Variants in L3MBTL4 observed in about 807,000 individuals in gnomAD.
L3MBTL4 encodes L3MBTL histone methyl-lysine binding protein 4, also known as lethal(3)malignant brain tumor-like protein 4.
L3MBTL4 carries 70 observed loss-of-function variants against 84.5 expected under a neutral mutation model. That is an observed-to-expected ratio of 0.83 (90% CI 0.68 to 1.01). The LOEUF is 1.01. Ranked by LOEUF, L3MBTL4 falls within the 50% of genes least tolerant of loss-of-function variation. The pLI, the probability that L3MBTL4 is intolerant of heterozygous loss-of-function variation, is 0.00. For synonymous variants in L3MBTL4, 274 were observed against 259.8 expected (o/e 1.05, Z -0.52); for missense variants, 715 against 754.8 (o/e 0.95, Z 0.62).
intron 12 of L3MBTL4, among the ~76,000 whole-genome samples, chr18:6,209,242 A>G (rs1424097430): frequency 6.6e-6 from 1 of 152,214 alleles, no homozygotes; most frequent in Non-Finnish European, 1.5e-5. Context: ...ATACTTGCTA[A>G]GTGTCCACTC....
chr18:6,406,438 G>T (rs542997656), intron 1 of L3MBTL4, among the ~76,000 whole-genome samples: 1 of 152,248 alleles, frequency 6.6e-6, no homozygotes, highest in South Asian at 2.1e-4. Context: ...TGTGCTTTTC[G>T]ATTCATATTC....
rs543023805 is a variant in L3MBTL4, at chr18:6,145,592, T to C, written c.1097-7296A>G. On this transcript the variant is annotated intron_variant, in intron 13 of 18. Transcript: ENST00000317931. ...AACCTGATTCATTTAGCAAGTTTTT[T>C]TTTTTTTTGTAATAGAGAAATGACA... Among the ~76,000 whole-genome samples, 41 of 152,236 alleles carry C rather than the reference T, an allele frequency of 2.7e-4. No homozygotes were observed. In the South Asian group the frequency reaches 3.5e-3, roughly 13 times the overall value.
At chr18:6,369,118 G>A (rs1269320141) in intron 1 of L3MBTL4, among the ~76,000 whole-genome samples, 2 of 151,888 alleles carry the variant, frequency 1.3e-5, no homozygotes, top group East Asian at 3.9e-4. Flanking sequence ...GAAGGTGAGC[G>A]AGGGCTGCAG....
chr18:5,966,064 C>T (rs926530910), intron 17 of L3MBTL4, among the ~76,000 whole-genome samples: 1 of 152,188 alleles, frequency 6.6e-6, no homozygotes, highest in Non-Finnish European at 1.5e-5. Context: ...ATCTTCCTAA[C>T]AGCTTCTCTT....
intron 16 of L3MBTL4, among the ~76,000 whole-genome samples, chr18:5,997,233 A>G (rs1421432692): frequency 2.0e-5 from 3 of 150,618 alleles, no homozygotes; most frequent in Non-Finnish European, 4.4e-5. Context: ...TCACTAAATC[A>G]AGGGAAAAGT....
intron 16 of L3MBTL4, chr18:6,032,013 T>C (rs1568007238): frequency 7.4e-6 from 2 of 269,566 alleles, no homozygotes; most frequent in Non-Finnish European, 1.1e-5. Flanking sequence ...AGTCTTGCTC[T>C]GTTGCCCAGG....
chr18:6,361,385 C>T (rs1020399651), intron 1 of L3MBTL4, among the ~76,000 whole-genome samples: 3 of 152,158 alleles, frequency 2.0e-5, no homozygotes, highest in Non-Finnish European at 2.9e-5. Flanking sequence ...CTGCCCCAAC[C>T]GTGCAAATTT....
chr18:6,022,181 C>T (rs1386802857), intron 16 of L3MBTL4, among the ~76,000 whole-genome samples: 1 of 152,222 alleles, frequency 6.6e-6, no homozygotes, highest in Admixed American at 6.5e-5. Context: ...TTAATAGCAT[C>T]ACCATATTCA....
At chr18:6,149,097 T>C (rs940484810) in intron 13 of L3MBTL4, among the ~76,000 whole-genome samples, 4 of 152,054 alleles carry the variant, frequency 2.6e-5, no homozygotes, top group Non-Finnish European at 4.4e-5. Context: ...GTGCACAACA[T>C]GCAGGCTTGT....
rs183177926 is a variant in L3MBTL4 at position 5,974,406 on chromosome 18, T to C, written c.1445-4844A>G. On this transcript the variant is annotated intron_variant, in intron 16 of 18. Coordinates refer to ENST00000317931, the MANE Select transcript of L3MBTL4 (RefSeq NM_001330559.2). The stretch of plus-strand genomic sequence containing the variant: ...GTAACCCATCTCCAAAGAAAAGTCA[T>C]TGCTTGCCCTTCCTATAGAGGCAAT... 2.4e-3 allele frequency among the ~76,000 whole-genome samples: 341 copies of C among 139,544 alleles called. 2 individuals are homozygous for C. The highest frequency in any genetic ancestry group is 2.9e-3 in the Non-Finnish European group (191 of 65,516). 91.5% of individuals were successfully genotyped at this position (139,544 alleles called of 152,430 possible). A position where few individuals can be genotyped will look rare whatever the true frequency, so the allele number is the denominator to read the frequency against.
At chr18:6,233,888 G>A (rs923346544) in intron 10 of L3MBTL4, among the ~76,000 whole-genome samples, 14 of 151,792 alleles carry the variant, frequency 9.2e-5, no homozygotes, top group African/African-American at 3.4e-4. Flanking sequence ...AACAAAGCTG[G>A]AGGCATCACA....
At chr18:6,071,419 C>T (rs2057593308) in intron 16 of L3MBTL4, among the ~76,000 whole-genome samples, 1 of 151,044 alleles carries the variant, frequency 6.6e-6, no homozygotes, top group Non-Finnish European at 1.5e-5. Flanking sequence ...GATAGTAGCC[C>T]TAAGTCCAAC....
chr18:6,068,331 A>G (rs2057464551), intron 16 of L3MBTL4, among the ~76,000 whole-genome samples: 1 of 152,122 alleles, frequency 6.6e-6, no homozygotes, highest in South Asian at 2.1e-4. Context: ...AGCTAAAGAG[A>G]TGCATAGATA....
chr18:6,024,671 C>G (rs1035711477), intron 16 of L3MBTL4, among the ~76,000 whole-genome samples: 1 of 152,092 alleles, frequency 6.6e-6, no homozygotes, highest in East Asian at 1.9e-4. Context: ...GAAATGAAAC[C>G]AAATAGTATA....
chr18:6,020,984 GA>G (rs2055223846), intron 16 of L3MBTL4, among the ~76,000 whole-genome samples: 1 of 152,196 alleles, frequency 6.6e-6, no homozygotes, highest in African/African-American at 2.4e-5. Flanking sequence ...TTTGAAGTCG[GA>G]TAGAGAAAGA....
chr18:6,316,210 T>C (rs1411218537), intron 1 of L3MBTL4, among the ~76,000 whole-genome samples: 1 of 150,876 alleles, frequency 6.6e-6, no homozygotes, highest in East Asian at 1.9e-4. Context: ...ACAGGTCACA[T>C]CACTGGACCC....
intron 16 of L3MBTL4, among the ~76,000 whole-genome samples, chr18:6,073,786 T>C (rs940259974): frequency 4.6e-5 from 7 of 152,344 alleles, no homozygotes; most frequent in African/African-American, 1.7e-4. Context: ...CTCTTTTAAC[T>C]AGTAAAAGTA....
intron 12 of L3MBTL4, among the ~76,000 whole-genome samples, chr18:6,208,559 A>T (rs1376949891): frequency 6.6e-6 from 1 of 152,256 alleles, no homozygotes; most frequent in Non-Finnish European, 1.5e-5. Context: ...GCAAATATTT[A>T]TCAAATGTTA....
At chr18:6,265,730 C>T (rs1481407997) in intron 4 of L3MBTL4, among the ~76,000 whole-genome samples, 1 of 152,020 alleles carries the variant, frequency 6.6e-6, no homozygotes, top group Non-Finnish European at 1.5e-5. Context: ...AAAATAAATA[C>T]TGCATGATCT....
Sources: allele counts gnomAD v4.1 joint callset (sites outside exome capture counted in the v4.1 genomes callset), GRCh38; gene constraint gnomAD v4.1.1; transcripts MANE v1.5; gene names NCBI Gene and HGNC (gene_info 2026-07-23, HGNC 2026-07-21).